The following TNFAIP8 variants were observed in gnomAD, a reference collection of about 807,000 sequenced individuals.
The protein encoded by TNFAIP8 is TNF alpha induced protein 8.
A neutral mutation model predicts 13.3 loss-of-function variants in TNFAIP8; 7 were observed. The ratio of observed to expected loss-of-function variants is 0.52; its 90% CI spans 0.30 to 0.99. The LOEUF (loss-of-function observed/expected upper bound fraction) is 0.99. TNFAIP8 is among the 50% of genes least tolerant of loss of function. The pLI, the probability that TNFAIP8 is intolerant of heterozygous loss-of-function variation, is 0.07. For synonymous variants in TNFAIP8, 94 were observed against 87.6 expected (o/e 1.07, Z -0.41); for missense variants, 258 against 236.9 (o/e 1.09, Z -0.58).
At chr5:119,364,256 A>G (rs4895369) in intron 1 of TNFAIP8, among the ~76,000 whole-genome samples, 113,946 of 152,138 alleles carry the variant, frequency 0.75, 43,760 homozygotes, top group African/African-American at 0.93. Context: ...GAGGCTTATT[A>G]TGAGTAACAA....
At chr5:119,312,934 A>T (rs1210464398) in intron 1 of TNFAIP8, among the ~76,000 whole-genome samples, 1 of 152,154 alleles carries the variant, frequency 6.6e-6, no homozygotes, top group East Asian at 1.9e-4. Context: ...AATGAAGTTC[A>T]CTAGGATAAT....
chr5:119,398,015 C>T lies in TNFAIP8; in HGVS notation c.*4634C>T, dbSNP rs1753114721. The stretch of plus-strand genomic sequence containing the variant: ...GCTGAGCACTGAGAAAGGATATGGA[C>T]AAGTCAGTCAGCATTCACAATTAAG... On this transcript the variant is annotated 3_prime_UTR_variant, in exon 2 of 2. Coordinates refer to ENST00000504771, the MANE Select transcript of TNFAIP8 (RefSeq NM_014350.4). 1 of 152,222 alleles carries T rather than the reference C, an allele frequency of 6.6e-6. No individual in the cohort carries two copies. 9.4% of individuals were successfully genotyped at this position (152,222 alleles called of 1,614,324 possible). A position where few individuals can be genotyped will look rare whatever the true frequency, so the allele number is the denominator to read the frequency against.
chr5:119,391,330 C>T, intron 1 of TNFAIP8: 2 of 699,830 alleles, frequency 2.9e-6, no homozygotes, highest in Non-Finnish European at 5.2e-6. Flanking sequence ...AACTTTTTAT[C>T]TTTCATTACC....
intron 1 of TNFAIP8, among the ~76,000 whole-genome samples, chr5:119,298,145 C>T (rs928024142): frequency 6.6e-6 from 1 of 152,178 alleles, no homozygotes; most frequent in Non-Finnish European, 1.5e-5. Context: ...TTGATCCTGT[C>T]ATTATGATGT....
chr5:119,356,760 A>T (rs10477585), intron 1 of TNFAIP8, among the ~76,000 whole-genome samples: 57,589 of 148,710 alleles, frequency 0.39, 11,326 homozygotes, highest in South Asian at 0.54. Flanking sequence ...ATTTACTCCT[A>T]ACAGAGAACA....
intron 1 of TNFAIP8, among the ~76,000 whole-genome samples, chr5:119,359,651 A>G (rs1257124209): frequency 1.3e-5 from 2 of 152,180 alleles, no homozygotes; most frequent in Non-Finnish European, 2.9e-5. Flanking sequence ...CACACTGTGT[A>G]GTACTCTGTT....
At chr5:119,285,596 G>A (rs576586084) in intron 1 of TNFAIP8, among the ~76,000 whole-genome samples, 81 of 152,290 alleles carry the variant, frequency 5.3e-4, no homozygotes, top group African/African-American at 1.9e-3. Context: ...GCTAAGATAA[G>A]TGACTGTTAA....
chr5:119,341,038 C>T (rs1040997465), intron 1 of TNFAIP8, among the ~76,000 whole-genome samples: 2 of 151,254 alleles, frequency 1.3e-5, no homozygotes, highest in African/African-American at 4.9e-5. Flanking sequence ...AAGCCGTAGA[C>T]ACCTTTTATT....
At chr5:119,281,869 A>T (rs944983109) in intron 1 of TNFAIP8, among the ~76,000 whole-genome samples, 2 of 152,208 alleles carry the variant, frequency 1.3e-5, no homozygotes, top group Non-Finnish European at 2.9e-5. Context: ...TTTCAAGTTG[A>T]TAAAACTTGG....
chr5:119,271,289 T>TA (rs1561976516), intron 1 of TNFAIP8, among the ~76,000 whole-genome samples: 1 of 152,226 alleles, frequency 6.6e-6, no homozygotes, highest in African/African-American at 2.4e-5. Context: ...CTATGTGACT[T>TA]ACGGCTTGGA....
intron 1 of TNFAIP8, among the ~76,000 whole-genome samples, chr5:119,313,589 C>T (rs1166229956): frequency 6.6e-6 from 1 of 152,134 alleles, no homozygotes; most frequent in Admixed American, 6.5e-5. Context: ...TAGTACTTGC[C>T]AAAATATGAT....
chr5:119,363,853 T>A lies in TNFAIP8; in HGVS notation c.31+7732T>A, dbSNP rs376498380. Among the ~76,000 whole-genome samples the A allele has an allele frequency of 1.0e-3, 155 of 152,336 alleles. 3 individuals are homozygous for A. In the South Asian group the frequency reaches 0.031, roughly 30 times the overall value. ...TTGCAAGGCCAGGCATCCCATACTT[T>A]TGACCAACTGGGTATAAATTGGGGA... is the stretch of plus-strand genomic sequence containing the variant. On this transcript the variant is annotated intron_variant, in intron 1 of 1. Transcript: ENST00000504771.
At chr5:119,337,664 G>A (rs1279560240) in intron 1 of TNFAIP8, among the ~76,000 whole-genome samples, 3 of 152,230 alleles carry the variant, frequency 2.0e-5, no homozygotes, top group African/African-American at 7.2e-5. Flanking sequence ...AGATATTAAT[G>A]CGGGGCTGCC....
At chr5:119,348,880 CAAAAAAAAAAAAA>C (rs60633145) in intron 1 of TNFAIP8, among the ~76,000 whole-genome samples, 17,491 of 91,064 alleles carry the variant, frequency 0.19, 1,873 homozygotes, top group African/African-American at 0.34. Context: ...AACTCCATCT[CAAAAAAAAAAAAA>C]AAAAAAAAAA....
intron 1 of TNFAIP8, among the ~76,000 whole-genome samples, chr5:119,304,225 C>G (rs1056457146): frequency 6.6e-6 from 1 of 152,038 alleles, no homozygotes; most frequent in Non-Finnish European, 1.5e-5. Context: ...CTCAAGTGAT[C>G]CTCCTGCCGC....
chr5:119,333,558 A>C (rs1446518302), intron 1 of TNFAIP8: 2 of 1,535,092 alleles, frequency 1.3e-6, no homozygotes, highest in Non-Finnish European at 1.7e-6. Context: ...GCATTCCTCA[A>C]GTCTGTATGA....
intron 1 of TNFAIP8, among the ~76,000 whole-genome samples, chr5:119,341,079 G>A (rs904638219): frequency 6.9e-6 from 1 of 143,910 alleles, no homozygotes; most frequent in African/African-American, 2.6e-5. Flanking sequence ...GGTGTTTTTG[G>A]TCTCCTGCTT....
At chr5:119,333,457 A>G (rs1323139448) in intron 1 of TNFAIP8, 2 of 1,420,908 alleles carry the variant, frequency 1.4e-6, no homozygotes, top group Middle Eastern at 1.8e-4. Context: ...AAAGAATAGT[A>G]TAAATTATTT....
At chr5:119,279,024 C>A (rs1256191489) in intron 1 of TNFAIP8, among the ~76,000 whole-genome samples, 1 of 152,166 alleles carries the variant, frequency 6.6e-6, no homozygotes, top group Admixed American at 6.5e-5. Context: ...GAAATGTTTA[C>A]CATCCCAGTA....
Sources: allele counts gnomAD v4.1 joint callset (sites outside exome capture counted in the v4.1 genomes callset), GRCh38; gene constraint gnomAD v4.1.1; transcripts MANE v1.5; gene names NCBI Gene and HGNC (gene_info 2026-07-23, HGNC 2026-07-21).